The following LRRC4C variants were observed in gnomAD, a reference collection of about 807,000 sequenced individuals.
LRRC4C encodes the protein leucine rich repeat containing 4C, also known as leucine-rich repeat-containing protein 4C.
LRRC4C carries 5 observed loss-of-function variants against 33.6 expected under a neutral mutation model. That is an observed-to-expected ratio of 0.15 (90% CI 0.08 to 0.31). The LOEUF (loss-of-function observed/expected upper bound fraction) is 0.31. Among genes scored for constraint, LRRC4C ranks in the 10% least tolerant of loss-of-function variants. The pLI is 1.00. For missense variants in LRRC4C, 560 were observed against 796.7 expected (o/e 0.70, Z 3.58); for synonymous variants, 329 against 302.0 (o/e 1.09, Z -0.93).
At chr11:40,684,650 CA>C (rs1169303903) in intron 2 of LRRC4C, among the ~76,000 whole-genome samples, 1 of 150,974 alleles carries the variant, frequency 6.6e-6, no homozygotes, top group Non-Finnish European at 1.5e-5. Context: ...AATACATTTC[CA>C]AAAATATTGT....
chr11:40,858,966 G>A (rs1373403628), intron 2 of LRRC4C, among the ~76,000 whole-genome samples: 1 of 152,058 alleles, frequency 6.6e-6, no homozygotes, highest in Non-Finnish European at 1.5e-5. Flanking sequence ...TTCTTTGAGA[G>A]CCACATGGCA....
At chr11:41,344,499 C>T (rs575637612) in intron 1 of LRRC4C, among the ~76,000 whole-genome samples, 8 of 152,174 alleles carry the variant, frequency 5.3e-5, no homozygotes, top group Admixed American at 1.3e-4. Flanking sequence ...GGATTACAGG[C>T]GTGAGCCACC....
At chr11:40,696,768 A>C (rs113096588) in intron 2 of LRRC4C, among the ~76,000 whole-genome samples, 4,098 of 135,740 alleles carry the variant, frequency 0.03, 216 homozygotes, top group African/African-American at 0.1. Flanking sequence ...ATATATATAT[A>C]TATATATCTG....
Position 40,114,287 on chromosome 11 carries a change from T to C in LRRC4C, c.*83A>G. On this transcript the variant is annotated 3_prime_UTR_variant, in exon 7 of 7. Coordinates refer to ENST00000528697, the MANE Select transcript of LRRC4C (RefSeq NM_001258419.2). ...TTGTAAAGACACTTTTTTGAAACAGTAGATTTAGCCCAGTCATTTGTGTCA... is the reference window on the plus strand; with the variant it reads ...TTGTAAAGACACTTTTTTGAAACAGCAGATTTAGCCCAGTCATTTGTGTCA... 7.3e-7 allele frequency: 1 copy of C among 1,369,284 alleles called. No homozygotes were observed. Among genetic ancestry groups the C allele is most frequent in the Non-Finnish European group, 9.7e-7 (1 of 1,028,550 alleles). 84.8% of individuals were successfully genotyped at this position (1,369,284 alleles called of 1,614,324 possible). A position where few individuals can be genotyped will look rare whatever the true frequency, so the allele number is the denominator to read the frequency against.
chr11:41,370,674 T>C (rs949572401), intron 1 of LRRC4C, among the ~76,000 whole-genome samples: 1 of 152,136 alleles, frequency 6.6e-6, no homozygotes, highest in South Asian at 2.1e-4. Flanking sequence ...TATGTCTTTA[T>C]CAGCAGTGTG....
intron 3 of LRRC4C, among the ~76,000 whole-genome samples, chr11:40,547,075 A>AT (rs1265184379): frequency 1.3e-5 from 2 of 152,054 alleles, no homozygotes; most frequent in Non-Finnish European, 1.5e-5. Context: ...CTTAAAGTTG[A>AT]TTTTTTGCTA....
chr11:40,507,017 C>G (rs904578396), intron 3 of LRRC4C, among the ~76,000 whole-genome samples: 1 of 151,866 alleles, frequency 6.6e-6, no homozygotes, highest in Non-Finnish European at 1.5e-5. Context: ...ACAATAAATC[C>G]TAGTTTAATC....
rs539671211 is a variant in LRRC4C, at chr11:41,424,718, A to G, written c.-496+34713T>C. Among the ~76,000 whole-genome samples, 3 of 152,242 alleles carry G rather than the reference A, an allele frequency of 2.0e-5. No individual in the cohort carries two copies. In the South Asian group the frequency reaches 6.2e-4, roughly 31 times the overall value. On this transcript the variant is annotated intron_variant, in intron 1 of 6. Coordinates refer to ENST00000528697, the MANE Select transcript of LRRC4C (RefSeq NM_001258419.2). ...TGTGCTTAGAGGTTAATCAGGTAGT[A>G]ATATAATACGCATTTATTTTAATCA...
chr11:40,843,888 T>C (rs1953028436), intron 2 of LRRC4C, among the ~76,000 whole-genome samples: 1 of 152,174 alleles, frequency 6.6e-6, no homozygotes, highest in South Asian at 2.1e-4. Flanking sequence ...CAACAGTGGT[T>C]AGAGAGTATG....
intron 1 of LRRC4C, among the ~76,000 whole-genome samples, chr11:41,300,257 A>G (rs1301393876): frequency 6.6e-6 from 1 of 152,170 alleles, no homozygotes. Flanking sequence ...CATTTGCAAC[A>G]TTCAGCATGA....
At chr11:40,604,226 G>T (rs139727480) in intron 3 of LRRC4C, among the ~76,000 whole-genome samples, 1 of 152,028 alleles carries the variant, frequency 6.6e-6, no homozygotes, top group Non-Finnish European at 1.5e-5. Flanking sequence ...CACTAAAAAT[G>T]TTTCCAGTAT....
chr11:40,149,536 G>T (rs1490238981), intron 5 of LRRC4C, among the ~76,000 whole-genome samples: 1 of 152,094 alleles, frequency 6.6e-6, no homozygotes. Flanking sequence ...TATTAATTTT[G>T]TATCCTGAGA....
At chr11:41,091,676 G>T (rs1590531430) in intron 1 of LRRC4C, among the ~76,000 whole-genome samples, 2 of 152,006 alleles carry the variant, frequency 1.3e-5, no homozygotes, top group South Asian at 2.1e-4. Flanking sequence ...ATAATAAATA[G>T]ACATTCACGT....
Position 40,860,560 on chromosome 11 carries a change from G to A in LRRC4C, c.-407+73075C>T, listed in dbSNP as rs141981537. 3.4e-3 allele frequency among the ~76,000 whole-genome samples: 521 copies of A among 152,176 alleles called. 2 individuals carry two copies. The highest frequency in any genetic ancestry group is 0.014 in the Middle Eastern group (4 of 292). ...TCTTTGGAGTCCCTTGGCTCACAGT[G>A]GCATAACTCCAGTCTCTGACTTTGT... On this transcript the variant is annotated intron_variant, in intron 2 of 6. Transcript: ENST00000528697.
intron 5 of LRRC4C, among the ~76,000 whole-genome samples, chr11:40,201,636 A>G (rs1184211142): frequency 6.6e-6 from 1 of 152,178 alleles, no homozygotes; most frequent in East Asian, 1.9e-4. Context: ...GCGCAGATGT[A>G]AGAATGACCC....
chr11:40,596,676 A>G (rs1315672604), intron 3 of LRRC4C, among the ~76,000 whole-genome samples: 1 of 152,080 alleles, frequency 6.6e-6, no homozygotes, highest in Non-Finnish European at 1.5e-5. Context: ...ATTAAAAAAA[A>G]TTTAAGTTCC....
intron 1 of LRRC4C, among the ~76,000 whole-genome samples, chr11:41,067,381 T>A (rs1938327906): frequency 6.6e-6 from 1 of 152,196 alleles, no homozygotes; most frequent in Admixed American, 6.5e-5. Context: ...CCTAAATATA[T>A]ATGCACTCAA....
intron 5 of LRRC4C, among the ~76,000 whole-genome samples, chr11:40,144,851 G>A (rs1204545116): frequency 5.3e-5 from 8 of 152,162 alleles, no homozygotes; most frequent in South Asian, 2.1e-4. Context: ...GTAAACAGGA[G>A]GTATTTTCTG....
At chr11:40,307,912 C>G (rs1945120080) in intron 4 of LRRC4C, among the ~76,000 whole-genome samples, 1 of 152,186 alleles carries the variant, frequency 6.6e-6, no homozygotes, top group African/African-American at 2.4e-5. Context: ...ATTCATGCAA[C>G]TGCCTTAATT....
Sources: gnomAD v4.1 joint callset for allele counts (sites outside exome capture counted in the v4.1 genomes callset) on GRCh38, gnomAD v4.1.1 for gene constraint, MANE v1.5 for transcripts, NCBI Gene and HGNC (gene_info 2026-07-23, HGNC 2026-07-21) for gene names.